Variants in SDK1 observed in about 807,000 individuals in gnomAD.
SDK1 encodes the protein protein sidekick-1.
Under a neutral mutation model 245.5 loss-of-function variants are expected in SDK1, and 157 were observed. The ratio of observed to expected loss-of-function variants is 0.64; its 90% CI spans 0.56 to 0.73. The LOEUF (loss-of-function observed/expected upper bound fraction) is 0.73, where lower values mean the gene tolerates loss of function less well. Among genes scored for constraint, SDK1 ranks in the 30% least tolerant of loss-of-function variants. SDK1 has a pLI of 0.00. For synonymous variants in SDK1, 1,647 were observed against 1,278.5 expected, an observed-to-expected ratio of 1.29 and a Z score of -6.15; for missense variants, 3,583 against 3,002.3, an observed-to-expected ratio of 1.19 and a Z score of -4.52.
chr7:3,317,567 T>C (rs1247295085), intron 1 of SDK1, among the ~76,000 whole-genome samples: 1 of 106,452 alleles, frequency 9.4e-6, no homozygotes, highest in Non-Finnish European at 2.1e-5. Context: ...CTTCTGCCTA[T>C]TCCTCTCTCC....
intron 41 of SDK1, among the ~76,000 whole-genome samples, chr7:4,233,677 T>C (rs1785953976): frequency 6.6e-6 from 1 of 152,170 alleles, no homozygotes; most frequent in Non-Finnish European, 1.5e-5. Flanking sequence ...ACACATCTGC[T>C]GCTGTAGGTG....
At chr7:3,861,190 G>A (rs985206044) in intron 5 of SDK1, among the ~76,000 whole-genome samples, 2 of 152,192 alleles carry the variant, frequency 1.3e-5, no homozygotes, top group African/African-American at 4.8e-5. Flanking sequence ...TAATGTTCCT[G>A]AGAAGGATGA....
At chr7:3,518,658 A>G (rs993177717) in intron 1 of SDK1, among the ~76,000 whole-genome samples, 2 of 152,040 alleles carry the variant, frequency 1.3e-5, no homozygotes, top group Admixed American at 6.6e-5. Context: ...TAGGATGGCC[A>G]TTATTAAAAA....
intron 4 of SDK1, among the ~76,000 whole-genome samples, chr7:3,689,761 T>A (rs1034034164): frequency 3.9e-5 from 6 of 152,210 alleles, no homozygotes; most frequent in African/African-American, 1.2e-4. Flanking sequence ...AAGCAAATAA[T>A]TGGAAGTTAT....
intron 2 of SDK1, 75 bp from the exon 3 acceptor site, chr7:3,638,929 A>G: frequency 1.2e-6 from 1 of 845,728 alleles, no homozygotes; most frequent in Non-Finnish European, 1.9e-6. Flanking sequence ...TGTTTGATAA[A>G]ATAGCATCTG....
chr7:3,776,020 T>C (rs1780548771), intron 4 of SDK1, among the ~76,000 whole-genome samples: 1 of 152,258 alleles, frequency 6.6e-6, no homozygotes, highest in Non-Finnish European at 1.5e-5. Flanking sequence ...GTGTAACGTA[T>C]TTCCCACCCT....
chr7:4,040,276 C>T (rs985826150), intron 17 of SDK1, among the ~76,000 whole-genome samples: 2 of 152,274 alleles, frequency 1.3e-5, no homozygotes, highest in Non-Finnish European at 1.5e-5. Flanking sequence ...TGCTCCTCTG[C>T]CTGAGCACTT....
At chr7:3,700,394 T>C (rs1389629176) in intron 4 of SDK1, among the ~76,000 whole-genome samples, 2 of 152,164 alleles carry the variant, frequency 1.3e-5, no homozygotes, top group Non-Finnish European at 2.9e-5. Context: ...CACAGTGATA[T>C]AGAGGAGATG....
At chr7:4,009,383 G>C (rs1319074359) in intron 14 of SDK1, among the ~76,000 whole-genome samples, 1 of 152,232 alleles carries the variant, frequency 6.6e-6, no homozygotes, top group Non-Finnish European at 1.5e-5. Flanking sequence ...GCTGTTTTCT[G>C]TAAGGGAGAC....
rs573122892 is a variant in SDK1, at chr7:4,098,864, G to A, written c.3325-11799G>A. Among the ~76,000 whole-genome samples the A allele has an allele frequency of 7.2e-5, 10 of 139,252 alleles. No individual in the cohort carries two copies. In the South Asian group the frequency reaches 2.3e-3, roughly 33 times the overall value. The allele number at this position is 139,252 out of a possible 152,430, so 91.4% of individuals were successfully genotyped here. A position where few individuals can be genotyped will look rare whatever the true frequency, so the allele number is the denominator to read the frequency against. On this transcript the variant is annotated intron_variant, in intron 22 of 44. Transcript: ENST00000404826. ...TTTTTTTTTTTTTTGGCAGAGATGG[G>A]GTCTCCCTATGTGGCCCTGGCTGGT... is the stretch of plus-strand genomic sequence containing the variant.
intron 4 of SDK1, among the ~76,000 whole-genome samples, chr7:3,688,708 A>T (rs1784357998): frequency 1.3e-5 from 2 of 152,152 alleles, no homozygotes; most frequent in African/African-American, 4.8e-5. Context: ...TCCAGTGTTT[A>T]TCTTCTTGGA....
chr7:4,256,953 C>T (rs1025787592), intron 44 of SDK1, among the ~76,000 whole-genome samples: 6 of 152,328 alleles, frequency 3.9e-5, no homozygotes, highest in African/African-American at 9.6e-5. Context: ...CCTTCCTGAT[C>T]GGAGGTGCTC....
chr7:4,254,541 CCTT>C (rs1255327272), intron 44 of SDK1, among the ~76,000 whole-genome samples: 2 of 151,862 alleles, frequency 1.3e-5, no homozygotes, highest in African/African-American at 4.8e-5. Flanking sequence ...AACATGGTCT[CCTT>C]TAGTTCTTTG....
chr7:4,050,883 T>C (rs1195873041), intron 18 of SDK1, among the ~76,000 whole-genome samples: 1 of 144,334 alleles, frequency 6.9e-6, no homozygotes, highest in Non-Finnish European at 1.5e-5. Context: ...ATATTATATA[T>C]ACCATATAGT....
At chr7:3,990,568 G>A (rs919981700) in intron 14 of SDK1, among the ~76,000 whole-genome samples, 1 of 152,224 alleles carries the variant, frequency 6.6e-6, no homozygotes, top group African/African-American at 2.4e-5. Flanking sequence ...CGGAGAGAAT[G>A]GGACAGGGGA....
At chr7:3,999,565 C>G (rs764900865) in intron 14 of SDK1, among the ~76,000 whole-genome samples, 1 of 152,042 alleles carries the variant, frequency 6.6e-6, no homozygotes, top group Non-Finnish European at 1.5e-5. Context: ...CCTGGTGCCT[C>G]GGGGCGGGGG....
chr7:3,971,602 G>A (rs757274090), intron 12 of SDK1, 34 bp downstream of exon 12: 13 of 1,468,564 alleles, frequency 8.9e-6, no homozygotes, highest in Non-Finnish European at 1.2e-5. Context: ...TTTGGGGCTT[G>A]TTGATATTCT....
intron 4 of SDK1, among the ~76,000 whole-genome samples, chr7:3,651,565 G>A (rs1021554997): frequency 3.9e-5 from 6 of 152,226 alleles, no homozygotes; most frequent in African/African-American, 1.2e-4. Context: ...GAGATCTAGA[G>A]GACAGAGTAA....
rs759878635 is a variant in SDK1, at chr7:3,314,766, T to C, written c.298+12882T>C. 5.8e-4 allele frequency among the ~76,000 whole-genome samples: 88 copies of C among 152,354 alleles called. 1 individual carries two copies. The highest frequency in any genetic ancestry group is 3.4e-3 in the Middle Eastern group (1 of 294). ...CTTCATAGCAATTAAAATATTATAA[T>C]CTAGTGTTTTATTAGATGTAGAGAT... On this transcript the variant is annotated intron_variant, in intron 1 of 44. Coordinates refer to ENST00000404826, the MANE Select transcript of SDK1 (RefSeq NM_152744.4).
Sources: gnomAD v4.1 joint callset for allele counts (sites outside exome capture counted in the v4.1 genomes callset) on GRCh38, gnomAD v4.1.1 for gene constraint, MANE v1.5 for transcripts, NCBI Gene and HGNC (gene_info 2026-07-23, HGNC 2026-07-21) for gene names.